Variants in CADM2 observed in about 807,000 individuals in gnomAD.
CADM2 encodes cell adhesion molecule 2.
A neutral mutation model predicts 49.8 loss-of-function variants in CADM2; 12 were observed. The observed-to-expected ratio is 0.24, with a 90% confidence interval of 0.15 to 0.39. The LOEUF (loss-of-function observed/expected upper bound fraction) is 0.39. Ranked by LOEUF, CADM2 falls within the 10% of genes least tolerant of loss-of-function variation. The pLI, the probability that CADM2 is intolerant of heterozygous loss-of-function variation, is 1.00. For missense variants in CADM2, 378 were observed against 492.3 expected, an observed-to-expected ratio of 0.77 and a Z score of 2.20; for synonymous variants, 214 against 175.4, an observed-to-expected ratio of 1.22 and a Z score of -1.74.
chr3:85,160,702 G>A (rs1288514046), intron 1 of CADM2, among the ~76,000 whole-genome samples: 1 of 152,008 alleles, frequency 6.6e-6, no homozygotes, highest in African/African-American at 2.4e-5. Flanking sequence ...CTTTAAGCTT[G>A]TACAAATCTT....
At chr3:85,884,891 ATT>A (rs11309096) in intron 4 of CADM2, among the ~76,000 whole-genome samples, 24,139 of 136,588 alleles carry the variant, frequency 0.18, 2,039 homozygotes, top group East Asian at 0.21. Context: ...CGCCTGGCTA[ATT>A]TTTTTTTTTT....
At chr3:85,686,477 T>C (rs898079890) in intron 1 of CADM2, among the ~76,000 whole-genome samples, 1 of 152,370 alleles carries the variant, frequency 6.6e-6, no homozygotes, top group Non-Finnish European at 1.5e-5. Flanking sequence ...TTTTTTATGA[T>C]GAATATTATT....
chr3:85,971,466 C>A (rs1726125797), intron 8 of CADM2, among the ~76,000 whole-genome samples: 1 of 151,592 alleles, frequency 6.6e-6, no homozygotes, highest in East Asian at 1.9e-4. Context: ...CATGAAAAAT[C>A]AAAATATGTG....
intron 8 of CADM2, among the ~76,000 whole-genome samples, chr3:86,035,879 G>A (rs1370438114): frequency 2.0e-5 from 3 of 152,066 alleles, no homozygotes; most frequent in African/African-American, 4.8e-5. Context: ...TTAAGATCAA[G>A]GTGCTGGCAG....
chr3:85,877,652 A>G (rs1057098575), intron 3 of CADM2, among the ~76,000 whole-genome samples: 7 of 146,748 alleles, frequency 4.8e-5, no homozygotes, highest in Non-Finnish European at 1.0e-4. Flanking sequence ...TTTATACTCA[A>G]CAGTGTCTAA....
intron 1 of CADM2, among the ~76,000 whole-genome samples, chr3:85,101,871 C>T (rs2038025436): frequency 6.6e-6 from 1 of 152,082 alleles, no homozygotes; most frequent in South Asian, 2.1e-4. Context: ...ATGAAAATCA[C>T]AGTTGATGTC....
intron 3 of CADM2, among the ~76,000 whole-genome samples, chr3:85,828,669 C>T (rs919119216): frequency 6.6e-6 from 1 of 151,882 alleles, no homozygotes; most frequent in Non-Finnish European, 1.5e-5. Context: ...TTCTCCCTGA[C>T]TTCTATCATC....
intron 5 of CADM2, among the ~76,000 whole-genome samples, chr3:85,893,421 T>A (rs985570108): frequency 7.2e-5 from 11 of 152,284 alleles, no homozygotes; most frequent in African/African-American, 2.4e-4. Context: ...AGTACCATTC[T>A]GGACATAGGC....
intron 2 of CADM2, among the ~76,000 whole-genome samples, chr3:85,728,193 C>A (rs1015073444): frequency 6.6e-6 from 1 of 152,140 alleles, no homozygotes; most frequent in African/African-American, 2.4e-5. Flanking sequence ...TTTCAGGACT[C>A]AAGCTGACTA....
At chr3:85,506,141 A>C (rs2107675767) in intron 1 of CADM2, among the ~76,000 whole-genome samples, 1 of 152,268 alleles carries the variant, frequency 6.6e-6, no homozygotes, top group East Asian at 1.9e-4. Context: ...CATCATCATT[A>C]TTTGGTGCCT....
At chr3:85,692,336 C>T (rs2066413420) in intron 1 of CADM2, among the ~76,000 whole-genome samples, 1 of 152,006 alleles carries the variant, frequency 6.6e-6, no homozygotes, top group Non-Finnish European at 1.5e-5. Context: ...GCAGTGCACA[C>T]GTTTCACAGG....
chr3:85,965,197 A>G (rs552376170), intron 8 of CADM2, among the ~76,000 whole-genome samples: 2 of 150,776 alleles, frequency 1.3e-5, no homozygotes, highest in African/African-American at 2.4e-5. Context: ...GCAGATGTTC[A>G]CACTTTGTGT....
chr3:85,054,086 C>A (rs2107416683), intron 1 of CADM2, among the ~76,000 whole-genome samples: 1 of 151,734 alleles, frequency 6.6e-6, no homozygotes, highest in East Asian at 1.9e-4. Flanking sequence ...TTACCGAGAG[C>A]CTATTATATG....
At chr3:85,726,570 A>C in intron 2 of CADM2, 22 bp downstream of exon 2, 1 of 1,585,214 alleles carries the variant, frequency 6.3e-7, no homozygotes, top group Non-Finnish European at 8.7e-7. Flanking sequence ...TTTATTCTGC[A>C]TGAGTCATCA....
At chr3:85,427,660 C>G (rs996785024) in intron 1 of CADM2, among the ~76,000 whole-genome samples, 3 of 152,082 alleles carry the variant, frequency 2.0e-5, no homozygotes, top group African/African-American at 7.2e-5. Context: ...TCCTTGGAAA[C>G]TGCTATCTTC....
At chr3:85,158,164 T>C (rs2040199936) in intron 1 of CADM2, among the ~76,000 whole-genome samples, 1 of 152,194 alleles carries the variant, frequency 6.6e-6, no homozygotes, top group African/African-American at 2.4e-5. Flanking sequence ...CCAGTTAGAA[T>C]GGCAATCATT....
At chr3:85,235,146 A>C (rs2042382419) in intron 1 of CADM2, among the ~76,000 whole-genome samples, 1 of 152,086 alleles carries the variant, frequency 6.6e-6, no homozygotes, top group African/African-American at 2.4e-5. Flanking sequence ...TAAACGGAAA[A>C]AAATTTTTTG....
In CADM2 at chr3:85,883,436, C is replaced by G; in HGVS notation, c.384C>G (p.Thr128=). Residue 128 remains threonine, a synonymous_variant, in exon 4 of 10, where the codon ACC becomes ACG. Coordinates refer to ENST00000383699, the MANE Select transcript of CADM2 (RefSeq NM_001167675.2). ...MPVKTSKAYL[T]VLGVPEKPQI... ...TCAAAACTTCCAAGGCATATCTCACCGTTCTGGGTAAGTGCAAGGGACTAA... is the reference window on the plus strand; with the variant it reads ...TCAAAACTTCCAAGGCATATCTCACGGTTCTGGGTAAGTGCAAGGGACTAA... 6.2e-7 allele frequency: 1 copy of G among 1,613,260 alleles called. No homozygotes were observed. The highest frequency in any genetic ancestry group is 8.5e-7 in the Non-Finnish European group (1 of 1,179,466).
Position 85,026,581 on chromosome 3 carries a change from A to G in CADM2, c.61+66913A>G, listed in dbSNP as rs1284218514. Among the ~76,000 whole-genome samples, 6 of 152,318 alleles carry G rather than the reference A, an allele frequency of 3.9e-5. No individual in the cohort carries two copies. In the East Asian group the frequency reaches 1.2e-3, roughly 29 times the overall value. ...TTTATTTTATGCCTATGCTACCAAT[A>G]CACATGATTTAGTATAGTAAATTGA... On this transcript the variant is annotated intron_variant, in intron 1 of 9. Transcript: ENST00000383699.
Sources: gnomAD v4.1 joint callset for allele counts (sites outside exome capture counted in the v4.1 genomes callset) on GRCh38, gnomAD v4.1.1 for gene constraint, MANE v1.5 for transcripts, NCBI Gene and HGNC (gene_info 2026-07-23, HGNC 2026-07-21) for gene names.